ITM2B: variants seen among roughly 807,000 people sequenced by gnomAD.
The protein encoded by ITM2B is integral membrane protein 2B.
In ITM2B, 11 loss-of-function variants were observed where a neutral mutation model predicts 27.8. The observed-to-expected ratio is 0.40, with a 90% CI of 0.25 to 0.66. The LOEUF is 0.66. Among genes scored for constraint, ITM2B ranks in the 30% least tolerant of loss-of-function variants. The pLI, the probability that ITM2B is intolerant of heterozygous loss-of-function variation, is 0.43. For synonymous variants in ITM2B, 114 were observed against 114.3 expected (o/e 1.00, Z 0.02); for missense variants, 296 against 328.9 (o/e 0.90, Z 0.77).
At chr13:48,235,374 A>G (rs1951661937) in intron 1 of ITM2B, among the ~76,000 whole-genome samples, 1 of 152,224 alleles carries the variant, frequency 6.6e-6, no homozygotes. Flanking sequence ...TCCAAAGAAA[A>G]ATACTACTGG....
chr13:48,255,014 T>C (rs1951777273), intron 2 of ITM2B: 1 of 152,004 alleles, frequency 6.6e-6, no homozygotes, highest in Non-Finnish European at 1.5e-5. Context: ...TAGCTGAGAT[T>C]ACAGGCACCT....
In ITM2B at chr13:48,261,132, C is replaced by T; in HGVS notation, c.716-7C>T. 1 of 1,606,534 alleles carries T rather than the reference C, an allele frequency of 6.2e-7. No homozygotes were observed. Among genetic ancestry groups the T allele is most frequent in the Non-Finnish European group, 8.5e-7 (1 of 1,174,304 alleles). ...AATTTTAAAAAACTTTTTTCCCTCT[C>T]CAACAGGTATTCAGAAACGTGAAGC... On this transcript the variant is annotated splice_region_variant and splice_polypyrimidine_tract_variant and intron_variant, in intron 5 of 5. Transcript: ENST00000647800.
intron 5 of ITM2B, among the ~76,000 whole-genome samples, chr13:48,259,737 G>A (rs1357864413): frequency 1.3e-5 from 2 of 151,032 alleles, no homozygotes; most frequent in East Asian, 3.9e-4. Context: ...AGATTCAGGG[G>A]TACATGTGCA....
chr13:48,259,100 C>T (rs959469661), intron 5 of ITM2B, among the ~76,000 whole-genome samples, 153 bp downstream of exon 5: 2 of 152,168 alleles, frequency 1.3e-5, no homozygotes, highest in African/African-American at 4.8e-5. Flanking sequence ...ATAGAATTAT[C>T]TTAATTCCAT....
chr13:48,235,013 C>CATACATAT (rs1555274358), intron 1 of ITM2B, among the ~76,000 whole-genome samples: 5 of 149,834 alleles, frequency 3.3e-5, no homozygotes, highest in African/African-American at 1.2e-4. Context: ...AATGCTATCA[C>CATACATAT]ATATATATAT....
At position 48,265,083 on chromosome 13, in the gene ITM2B, C is replaced by T. The variant is rs1951844769; in HGVS notation, c.*3859C>T. ...TATAAAACAAGATAATCCTAGCTTC[C>T]TCCCACTTAAAATAATTTGATGGGA... is the stretch of plus-strand genomic sequence containing the variant. On this transcript the variant is annotated 3_prime_UTR_variant, in exon 6 of 6. Transcript: ENST00000647800. 1 of 152,080 alleles carries T rather than the reference C, an allele frequency of 6.6e-6. No individual in the cohort carries two copies. Among genetic ancestry groups the T allele is most frequent in the African/African-American group, 2.4e-5 (1 of 41,388 alleles). The allele number at this position is 152,080 out of a possible 1,614,324, so 9.4% of individuals were successfully genotyped here.
chr13:48,260,082 A>G (rs549561855), intron 5 of ITM2B, among the ~76,000 whole-genome samples: 3 of 152,104 alleles, frequency 2.0e-5, no homozygotes, highest in Non-Finnish European at 4.4e-5. Context: ...CCCACTTATG[A>G]GTGAGAAGAT....
intron 1 of ITM2B, among the ~76,000 whole-genome samples, chr13:48,251,665 T>G (rs985867782): frequency 1.3e-5 from 2 of 152,212 alleles, no homozygotes; most frequent in Non-Finnish European, 2.9e-5. Flanking sequence ...TATGTACTAT[T>G]GGAAGAGAAA....
At chr13:48,235,264 G>T (rs559889410) in intron 1 of ITM2B, among the ~76,000 whole-genome samples, 1 of 152,270 alleles carries the variant, frequency 6.6e-6, no homozygotes, top group Non-Finnish European at 1.5e-5. Flanking sequence ...AATTGCTCAC[G>T]AGTTCACCAT....
intron 1 of ITM2B, among the ~76,000 whole-genome samples, chr13:48,234,864 G>T (rs1313388473): frequency 6.6e-6 from 1 of 152,182 alleles, no homozygotes; most frequent in Non-Finnish European, 1.5e-5. Flanking sequence ...GGTCTTTAAA[G>T]AAAATGTTTG....
chr13:48,250,295 A>G (rs907728727), intron 1 of ITM2B, among the ~76,000 whole-genome samples: 4 of 152,184 alleles, frequency 2.6e-5, no homozygotes, highest in African/African-American at 7.2e-5. Flanking sequence ...ATGAATCATA[A>G]AAAATTAAAT....
At chr13:48,252,957 A>G (rs763061516) in intron 1 of ITM2B, among the ~76,000 whole-genome samples, 1 of 152,248 alleles carries the variant, frequency 6.6e-6, no homozygotes, top group Non-Finnish European at 1.5e-5. Flanking sequence ...AGAAGGGCAC[A>G]GGGAGGGAAT....
intron 4 of ITM2B, 51 bp from the exon 5 acceptor site, chr13:48,258,742 TCTAC>T: frequency 6.5e-7 from 1 of 1,528,082 alleles, no homozygotes; most frequent in Non-Finnish European, 9.1e-7. Flanking sequence ...GTTTCTCTAG[TCTAC>T]TCAGTGTATG....
At chr13:48,233,625 C>G in intron 1 of ITM2B, 148 bp downstream of exon 1, 1 of 502,146 alleles carries the variant, frequency 2.0e-6, no homozygotes, top group Non-Finnish European at 3.5e-6. Flanking sequence ...CTCCCGTTTC[C>G]TGTGGGTCCG....
chr13:48,269,403 G>A lies in ITM2B; in HGVS notation c.*8179G>A, dbSNP rs1415823346. ...GAGCCTCTTCTAAACAGAGTAGCTA[G>A]AGCGATCTTTTCTAAATCTAAGCCA... On this transcript the variant is annotated 3_prime_UTR_variant, in exon 6 of 6. Transcript: ENST00000647800. 1 of 152,202 alleles carries A rather than the reference G, an allele frequency of 6.6e-6. No homozygotes were observed. The highest frequency in any genetic ancestry group is 1.9e-4 in the East Asian group (1 of 5,200). 9.4% of individuals were successfully genotyped at this position (152,202 alleles called of 1,614,324 possible).
rs969426411 is a variant in ITM2B, at chr13:48,269,633, A to C, written c.*8409A>C. On this transcript the variant is annotated 3_prime_UTR_variant, in exon 6 of 6. Transcript: ENST00000647800. ...GGCAATCCTGCTTCAGAGCCTTTGCACTTGCTGTTTCTGGGCCAGGAATTC... is the reference window on the plus strand; with the variant it reads ...GGCAATCCTGCTTCAGAGCCTTTGCCCTTGCTGTTTCTGGGCCAGGAATTC... 3.9e-5 allele frequency: 6 copies of C among 152,224 alleles called. No individual in the cohort carries two copies. Among genetic ancestry groups the C allele is most frequent in the Admixed American group, 1.3e-4 (2 of 15,262 alleles). 9.4% of individuals were successfully genotyped at this position (152,224 alleles called of 1,614,324 possible). A position where few individuals can be genotyped will look rare whatever the true frequency, so the allele number is the denominator to read the frequency against.
At chr13:48,252,400 G>A (rs1369844931) in intron 1 of ITM2B, among the ~76,000 whole-genome samples, 3 of 152,292 alleles carry the variant, frequency 2.0e-5, no homozygotes, top group East Asian at 3.9e-4. Flanking sequence ...CCTGAGCTCC[G>A]CCTCCTCTCA....
intron 1 of ITM2B, among the ~76,000 whole-genome samples, chr13:48,250,250 CCCT>C (rs1252309083): frequency 6.6e-6 from 1 of 152,156 alleles, no homozygotes; most frequent in Non-Finnish European, 1.5e-5. Context: ...TCTCTCCCTT[CCCT>C]TATTATCACG....
intron 1 of ITM2B, among the ~76,000 whole-genome samples, chr13:48,245,425 G>T (rs1951719198): frequency 6.6e-6 from 1 of 150,980 alleles, no homozygotes; most frequent in South Asian, 2.1e-4. Context: ...AAGAATAAGA[G>T]ATTTTAAACT....
Sources: gnomAD v4.1 joint callset for allele counts (sites outside exome capture counted in the v4.1 genomes callset) on GRCh38, gnomAD v4.1.1 for gene constraint, MANE v1.5 for transcripts, NCBI Gene and HGNC (gene_info 2026-07-23, HGNC 2026-07-21) for gene names.